Variants in RNF144A observed in about 807,000 individuals in gnomAD.
RNF144A encodes E3 ubiquitin-protein ligase RNF144A.
A neutral mutation model predicts 38.7 loss-of-function variants in RNF144A; 11 were observed. The ratio of observed to expected loss-of-function variants is 0.28; its 90% confidence interval spans 0.18 to 0.47. RNF144A has a LOEUF of 0.47. RNF144A is among the 20% of genes least tolerant of loss of function. The pLI is 0.99. For missense variants in RNF144A, 316 were observed against 377.2 expected (o/e 0.84, Z 1.34); for synonymous variants, 149 against 143.9 (o/e 1.04, Z -0.25).
intron 1 of RNF144A, among the ~76,000 whole-genome samples, chr2:6,925,920 T>C (rs1664834651): frequency 6.6e-6 from 1 of 152,164 alleles, no homozygotes; most frequent in East Asian, 1.9e-4. Context: ...ACAACACATA[T>C]ATATGTACCA....
At chr2:6,985,333 A>G (rs908633016) in intron 2 of RNF144A, among the ~76,000 whole-genome samples, 2 of 146,770 alleles carry the variant, frequency 1.4e-5, no homozygotes, top group Admixed American at 1.4e-4. Context: ...CTTTAGGGAA[A>G]AAGGGCTTTG....
chr2:7,019,651 G>A lies in RNF144A; in HGVS notation c.302-822G>A, dbSNP rs966501111. ...TGGGGTGGCCACTGATCGAGAATTC[G>A]GCATCATGCTGGACAAGAGGGAAGA... is the stretch of plus-strand genomic sequence containing the variant. On this transcript the variant is annotated intron_variant, in intron 5 of 8. Transcript: ENST00000320892. Among the ~76,000 whole-genome samples the A allele has an allele frequency of 1.7e-4, 26 of 152,292 alleles. No individual in the cohort carries two copies. The South Asian group carries it at 2.7e-3, about 16-fold the overall frequency.
At chr2:7,046,475 T>G (rs915912334), downstream of RNF144A, among the ~76,000 whole-genome samples, 3 of 152,202 alleles carry the variant, frequency 2.0e-5, no homozygotes, top group Non-Finnish European at 2.9e-5. Flanking sequence ...GTTTGAACAT[T>G]GGGATAAAAA....
intron 6 of RNF144A, among the ~76,000 whole-genome samples, chr2:7,065,951 G>A (rs2103482476): frequency 6.6e-6 from 1 of 152,266 alleles, no homozygotes; most frequent in East Asian, 1.9e-4. Context: ...TCTATCCCAA[G>A]CTCAAGAATA....
intron 2 of RNF144A, among the ~76,000 whole-genome samples, chr2:6,967,519 C>G (rs1054274618): frequency 1.3e-5 from 2 of 152,214 alleles, no homozygotes; most frequent in African/African-American, 4.8e-5. Context: ...TGCCCTGGAG[C>G]AGCCCCCAGT....
intron 2 of RNF144A, among the ~76,000 whole-genome samples, chr2:6,964,904 A>G (rs979368856): frequency 6.6e-6 from 1 of 152,122 alleles, no homozygotes; most frequent in Non-Finnish European, 1.5e-5. Context: ...ACCAGCATGG[A>G]ACATGTATAC....
intron 2 of RNF144A, among the ~76,000 whole-genome samples, chr2:6,960,231 C>T (rs780064879): frequency 2.0e-5 from 3 of 152,208 alleles, no homozygotes; most frequent in African/African-American, 4.8e-5. Flanking sequence ...AGACTAGGGA[C>T]GATGTATATC....
chr2:7,075,294 A>G, the RNF144A span, among the ~76,000 whole-genome samples: 1 of 137,186 alleles, frequency 7.3e-6, no homozygotes, highest in Admixed American at 7.1e-5. Flanking sequence ...CCCCCCCCAC[A>G]CAGTGTTCTC....
chr2:6,985,071 C>T lies in RNF144A; in HGVS notation c.-11-11845C>T, dbSNP rs566257101. 2.6e-5 allele frequency among the ~76,000 whole-genome samples: 4 copies of T among 152,292 alleles called. No individual in the cohort carries two copies. The East Asian group carries it at 7.7e-4, about 29-fold the overall frequency. On this transcript the variant is annotated intron_variant, in intron 2 of 8. Transcript: ENST00000320892. Reference sequence around the variant, plus strand: ...AAAGCAAAGAGAAAATCAAAATAAACTTCACATAAGAAACACAGGACTTGG... The same window carrying T: ...AAAGCAAAGAGAAAATCAAAATAAATTTCACATAAGAAACACAGGACTTGG...
chr2:6,933,994 A>AT (rs1276444545), intron 1 of RNF144A, among the ~76,000 whole-genome samples: 1 of 151,756 alleles, frequency 6.6e-6, no homozygotes, highest in South Asian at 2.1e-4. Context: ...TACGCATGAA[A>AT]TTTTTTTTCA....
chr2:7,025,214 T>C (rs1199822672), intron 7 of RNF144A, among the ~76,000 whole-genome samples: 1 of 152,148 alleles, frequency 6.6e-6, no homozygotes, highest in East Asian at 1.9e-4. Context: ...GAGGGCACAA[T>C]CTCCCAGGCC....
chr2:7,022,303 C>T (rs1478142029), intron 6 of RNF144A, among the ~76,000 whole-genome samples: 1 of 152,256 alleles, frequency 6.6e-6, no homozygotes, highest in African/African-American at 2.4e-5. Flanking sequence ...GACCACTTCA[C>T]TCATTAGCAT....
Position 7,025,269 on chromosome 2 carries a change from A to G in RNF144A, c.657+753A>G, listed in dbSNP as rs369987140. Among the ~76,000 whole-genome samples, 109 of 152,376 alleles carry G rather than the reference A, an allele frequency of 7.2e-4. 1 individual carries two copies. The highest frequency in any genetic ancestry group is 3.4e-3 in the Middle Eastern group (1 of 294). On this transcript the variant is annotated intron_variant, in intron 7 of 8. Coordinates refer to ENST00000320892, the MANE Select transcript of RNF144A (RefSeq NM_014746.6). ...GAGGCCTGATGCACAGGTTGCTGCT[A>G]TTTAGCTTCTCATTCTCCTTCCTTG...
At chr2:6,998,872 C>T (rs555804711) in intron 3 of RNF144A, among the ~76,000 whole-genome samples, 2 of 151,936 alleles carry the variant, frequency 1.3e-5, no homozygotes, top group Non-Finnish European at 2.9e-5. Flanking sequence ...AATGGCTCCC[C>T]CTCTGCCAAA....
At chr2:7,018,186 G>T (rs142254638) in intron 5 of RNF144A, among the ~76,000 whole-genome samples, 1 of 152,214 alleles carries the variant, frequency 6.6e-6, no homozygotes, top group Admixed American at 6.5e-5. Context: ...GGGGACAGCA[G>T]TGAGACGGAA....
intron 6 of RNF144A, among the ~76,000 whole-genome samples, chr2:7,055,031 G>A (rs766671801): frequency 5.9e-5 from 9 of 152,066 alleles, no homozygotes; most frequent in Non-Finnish European, 1.3e-4. Flanking sequence ...TACTCTTCCT[G>A]ATGGCTTCTC....
At chr2:7,048,784 G>A (rs1673406445), downstream of RNF144A, among the ~76,000 whole-genome samples, 1 of 152,246 alleles carries the variant, frequency 6.6e-6, no homozygotes, top group African/African-American at 2.4e-5. Context: ...ATTGAAAACT[G>A]CAGAGGTAAG....
At chr2:7,075,004 A>G in the RNF144A span, among the ~76,000 whole-genome samples, 1 of 152,330 alleles carries the variant, frequency 6.6e-6, no homozygotes, top group South Asian at 2.1e-4. Context: ...TCTGTTGCAA[A>G]TACTTGCATT....
At chr2:7,025,987 A>G (rs975936777) in intron 7 of RNF144A, among the ~76,000 whole-genome samples, 2 of 152,186 alleles carry the variant, frequency 1.3e-5, no homozygotes, top group Admixed American at 6.5e-5. Context: ...AACCATTCAT[A>G]CCATGGGGCT....
Sources: gnomAD v4.1 joint callset for allele counts (sites outside exome capture counted in the v4.1 genomes callset) on GRCh38, gnomAD v4.1.1 for gene constraint, MANE v1.5 for transcripts, NCBI Gene and HGNC (gene_info 2026-07-23, HGNC 2026-07-21) for gene names.